The following HCN1 variants were observed in gnomAD, a reference collection of about 807,000 sequenced individuals.
The protein encoded by HCN1 is potassium/sodium hyperpolarization-activated cyclic nucleotide-gated channel 1.
In HCN1, 13 loss-of-function variants were observed where a neutral mutation model predicts 78.9. That is an observed-to-expected ratio of 0.16 (90% CI 0.11 to 0.26). The LOEUF (loss-of-function observed/expected upper bound fraction) is 0.26, where lower values mean the gene tolerates loss of function less well. Ranked by LOEUF, HCN1 falls within the 10% of genes least tolerant of loss-of-function variation. The probability of loss-of-function intolerance (pLI) is 1.00; values close to 1 mark genes in which losing one functional copy is unlikely to be tolerated. For missense variants in HCN1, 810 were observed against 1,154.3 expected, an observed-to-expected ratio of 0.70 and a Z score of 4.32; for synonymous variants, 552 against 455.5, an observed-to-expected ratio of 1.21 and a Z score of -2.70.
At chr5:45,444,583 T>C (rs1740747549) in intron 3 of HCN1, among the ~76,000 whole-genome samples, 2 of 152,114 alleles carry the variant, frequency 1.3e-5, no homozygotes, top group East Asian at 1.9e-4. Context: ...CTTATCCTTG[T>C]TTTTTTCTGA....
chr5:45,483,881 T>G (rs1741706362), intron 2 of HCN1, among the ~76,000 whole-genome samples: 1 of 152,190 alleles, frequency 6.6e-6, no homozygotes, highest in Admixed American at 6.5e-5. Context: ...GGGGAGTCTT[T>G]TCTCATTGCT....
At chr5:45,513,130 A>C (rs1403090536) in intron 2 of HCN1, among the ~76,000 whole-genome samples, 1 of 152,100 alleles carries the variant, frequency 6.6e-6, no homozygotes, top group African/African-American at 2.4e-5. Flanking sequence ...ATATGGCAAA[A>C]CCCCTAGATT....
intron 2 of HCN1, among the ~76,000 whole-genome samples, chr5:45,514,394 CA>C (rs1742479902): frequency 6.6e-6 from 1 of 152,066 alleles, no homozygotes; most frequent in Non-Finnish European, 1.5e-5. Context: ...GCTCTAATCC[CA>C]CAATCTGGCT....
At chr5:45,611,087 G>A (rs920854352) in intron 2 of HCN1, among the ~76,000 whole-genome samples, 3 of 147,172 alleles carry the variant, frequency 2.0e-5, no homozygotes, top group African/African-American at 7.5e-5. Context: ...GACTCACTCT[G>A]TCACCAAGGC....
intron 4 of HCN1, among the ~76,000 whole-genome samples, chr5:45,363,068 T>A (rs2111993649): frequency 6.8e-6 from 1 of 147,486 alleles, no homozygotes; most frequent in South Asian, 2.1e-4. Context: ...ATATACCAAA[T>A]ATATATATAT....
intron 1 of HCN1, among the ~76,000 whole-genome samples, chr5:45,658,613 G>A (rs1250336476): frequency 1.3e-4 from 19 of 151,722 alleles, no homozygotes; most frequent in Admixed American, 4.6e-4. Context: ...TGCGCGAGCC[G>A]AAGCAGGGCG....
intron 5 of HCN1, among the ~76,000 whole-genome samples, chr5:45,308,352 T>C (rs1745780018): frequency 6.6e-6 from 1 of 152,226 alleles, no homozygotes; most frequent in Non-Finnish European, 1.5e-5. Flanking sequence ...TTAAGAAATC[T>C]GCAAATATAA....
intron 2 of HCN1, among the ~76,000 whole-genome samples, chr5:45,588,974 GTTTTA>G (rs1744299529): frequency 6.6e-6 from 1 of 152,082 alleles, no homozygotes; most frequent in Admixed American, 6.6e-5. Context: ...ATTTTGTTTT[GTTTTA>G]TTTTATTTTA....
At chr5:45,592,378 G>A (rs1744384170) in intron 2 of HCN1, among the ~76,000 whole-genome samples, 1 of 151,970 alleles carries the variant, frequency 6.6e-6, no homozygotes, top group Admixed American at 6.6e-5. Context: ...CACTAATAGG[G>A]AGCTCATTAT....
chr5:45,509,279 G>A (rs1742363501), intron 2 of HCN1, among the ~76,000 whole-genome samples: 1 of 152,052 alleles, frequency 6.6e-6, no homozygotes, highest in African/African-American at 2.4e-5. Flanking sequence ...GTTGTGCCAG[G>A]GAGTTAGACA....
chr5:45,533,625 T>C (rs938990316), intron 2 of HCN1, among the ~76,000 whole-genome samples: 25 of 152,184 alleles, frequency 1.6e-4, no homozygotes, highest in Non-Finnish European at 3.7e-4. Context: ...GTGTTTTTAT[T>C]ATGCCAAAAT....
intron 6 of HCN1, among the ~76,000 whole-genome samples, chr5:45,272,741 G>C (rs535013131): frequency 6.6e-6 from 1 of 152,040 alleles, no homozygotes; most frequent in African/African-American, 2.4e-5. Context: ...AAACTATCTG[G>C]AAGATTTGGT....
chr5:45,473,334 T>C (rs1741442005), intron 2 of HCN1, among the ~76,000 whole-genome samples: 1 of 151,962 alleles, frequency 6.6e-6, no homozygotes. Flanking sequence ...CTAGATAGCA[T>C]GCATATATTC....
intron 3 of HCN1, among the ~76,000 whole-genome samples, chr5:45,440,599 G>C (rs1440608288): frequency 1.3e-5 from 2 of 152,066 alleles, no homozygotes; most frequent in Non-Finnish European, 2.9e-5. Context: ...ACCCTGACTA[G>C]TTCACATCAA....
chr5:45,361,295 C>T (rs1331504162), intron 4 of HCN1, among the ~76,000 whole-genome samples: 4 of 152,084 alleles, frequency 2.6e-5, no homozygotes, highest in African/African-American at 4.8e-5. Flanking sequence ...GATTCTCCTG[C>T]CTCAGCTGTA....
chr5:45,508,286 C>A (rs1027335042), intron 2 of HCN1, among the ~76,000 whole-genome samples: 2 of 152,060 alleles, frequency 1.3e-5, no homozygotes, highest in South Asian at 2.1e-4. Flanking sequence ...ACTTTTGAAA[C>A]CATAAGGAGT....
intron 4 of HCN1, 25 bp from the exon 5 acceptor site, chr5:45,353,271 A>T (rs201311274): frequency 2.0e-4 from 306 of 1,502,780 alleles, no homozygotes; most frequent in African/African-American, 6.8e-4. Context: ...AAATAAAATT[A>T]AAAAAAAACA....
intron 3 of HCN1, among the ~76,000 whole-genome samples, chr5:45,458,077 C>G (rs1035487638): frequency 6.6e-6 from 1 of 151,900 alleles, no homozygotes; most frequent in Non-Finnish European, 1.5e-5. Flanking sequence ...AGAGATTGAA[C>G]CTACATTTAT....
intron 4 of HCN1, among the ~76,000 whole-genome samples, chr5:45,370,207 C>T (rs1258124390): frequency 6.6e-6 from 1 of 151,754 alleles, no homozygotes; most frequent in Non-Finnish European, 1.5e-5. Flanking sequence ...TTATATAAAA[C>T]TACAATTACC....
Sources: gnomAD v4.1 joint callset for allele counts (sites outside exome capture counted in the v4.1 genomes callset) on GRCh38, gnomAD v4.1.1 for gene constraint, MANE v1.5 for transcripts, NCBI Gene and HGNC (gene_info 2026-07-23, HGNC 2026-07-21) for gene names.